LINGO2: variants seen among roughly 807,000 people sequenced by gnomAD.
LINGO2 encodes the protein leucine-rich repeat and immunoglobulin-like domain-containing nogo receptor-interacting protein 2.
Under a neutral mutation model 30.6 loss-of-function variants are expected in LINGO2, and 14 were observed. The observed-to-expected ratio is 0.46, with a 90% CI of 0.30 to 0.72. The LOEUF is 0.72. Among genes scored for constraint, LINGO2 ranks in the 30% least tolerant of loss-of-function variants. LINGO2 has a pLI of 0.07. For synonymous variants in LINGO2, 317 were observed against 288.5 expected (o/e 1.10, Z -1.00); for missense variants, 729 against 751.7 (o/e 0.97, Z 0.35).
At chr9:28,343,702 A>G (rs1819453379) in intron 3 of LINGO2, among the ~76,000 whole-genome samples, 1 of 152,156 alleles carries the variant, frequency 6.6e-6, no homozygotes, top group Admixed American at 6.5e-5. Flanking sequence ...GACCTTAGAC[A>G]AGAAAGTGCA....
chr9:28,282,938 G>T (rs1823380034), intron 4 of LINGO2, among the ~76,000 whole-genome samples: 1 of 152,120 alleles, frequency 6.6e-6, no homozygotes, highest in African/African-American at 2.4e-5. Flanking sequence ...ATTCAAGAAA[G>T]GAGTAAGCCC....
At chr9:28,022,587 CCCTTT>C (rs147391706) in intron 4 of LINGO2, among the ~76,000 whole-genome samples, 2,128 of 152,030 alleles carry the variant, frequency 0.014, 57 homozygotes, top group African/African-American at 0.049. Context: ...TGGACTTTTT[CCCTTT>C]CAACAGTTTA....
chr9:28,355,962 T>C (rs943335701), intron 3 of LINGO2, among the ~76,000 whole-genome samples: 1 of 152,196 alleles, frequency 6.6e-6, no homozygotes, highest in African/African-American at 2.4e-5. Flanking sequence ...TGAGAGATTA[T>C]GTGATTTCCA....
At chr9:29,208,043 T>C in the LINGO2 span, among the ~76,000 whole-genome samples, 2 of 152,068 alleles carry the variant, frequency 1.3e-5, no homozygotes, top group Non-Finnish European at 2.9e-5. Flanking sequence ...CCAGTGGTCC[T>C]GGGCAAATTC....
chr9:28,506,876 A>C (rs190470002), intron 1 of LINGO2, among the ~76,000 whole-genome samples: 1 of 152,094 alleles, frequency 6.6e-6, no homozygotes, highest in East Asian at 1.9e-4. Flanking sequence ...CAGATTGATT[A>C]AATCATCTTC....
chr9:28,424,248 G>T (rs757235764), intron 2 of LINGO2, among the ~76,000 whole-genome samples: 3 of 152,084 alleles, frequency 2.0e-5, no homozygotes, highest in Non-Finnish European at 4.4e-5. Flanking sequence ...CTCACTTTGT[G>T]TAGAAGAACA....
At chr9:28,524,402 T>G (rs1337989360) in intron 1 of LINGO2, among the ~76,000 whole-genome samples, 1 of 152,148 alleles carries the variant, frequency 6.6e-6, no homozygotes, top group Non-Finnish European at 1.5e-5. Context: ...ATAAAAGAGA[T>G]TAGACTTCAT....
the LINGO2 span, among the ~76,000 whole-genome samples, chr9:28,679,571 T>G: frequency 6.6e-6 from 1 of 152,066 alleles, no homozygotes; most frequent in Admixed American, 6.6e-5. Flanking sequence ...CTGTACATAT[T>G]TAATGTATAC....
intron 4 of LINGO2, among the ~76,000 whole-genome samples, chr9:28,039,265 T>G (rs531151437): frequency 5.3e-5 from 8 of 152,328 alleles, no homozygotes; most frequent in South Asian, 2.1e-4. Flanking sequence ...TTTAAGAAAT[T>G]GGGCTAATAA....
intron 5 of LINGO2, among the ~76,000 whole-genome samples, chr9:27,997,043 CAA>C (rs1821700184): frequency 6.6e-6 from 1 of 152,054 alleles, no homozygotes; most frequent in African/African-American, 2.4e-5. Context: ...TTTTAAACTC[CAA>C]AAGAGGAATT....
chr9:28,473,420 C>CACACAT (rs1194500285), intron 2 of LINGO2, among the ~76,000 whole-genome samples: 1 of 151,994 alleles, frequency 6.6e-6, no homozygotes, highest in African/African-American at 2.4e-5. Context: ...CTCACACACA[C>CACACAT]ACACATACAC....
chr9:27,965,349 C>G (rs1344663936), intron 5 of LINGO2, among the ~76,000 whole-genome samples: 5 of 151,252 alleles, frequency 3.3e-5, no homozygotes, highest in Non-Finnish European at 5.9e-5. Context: ...CACTGAAATA[C>G]CTCTCATTGC....
chr9:29,047,155 C>T, the LINGO2 span, among the ~76,000 whole-genome samples: 3 of 151,710 alleles, frequency 2.0e-5, no homozygotes, highest in Non-Finnish European at 4.4e-5. Context: ...ATCCCCTATG[C>T]ATCCAACAAA....
At chr9:27,988,076 C>A (rs1363212624) in intron 5 of LINGO2, among the ~76,000 whole-genome samples, 3 of 152,010 alleles carry the variant, frequency 2.0e-5, no homozygotes, top group Non-Finnish European at 4.4e-5. Context: ...TAGTTTAATT[C>A]CCACCTATGA....
the LINGO2 span, among the ~76,000 whole-genome samples, chr9:29,032,600 G>C: frequency 2.0e-5 from 3 of 152,104 alleles, no homozygotes; most frequent in Non-Finnish European, 4.4e-5. Context: ...TCATCTCTTA[G>C]AATCATTCAA....
chr9:29,210,315 T>C, the LINGO2 span, among the ~76,000 whole-genome samples: 8 of 152,180 alleles, frequency 5.3e-5, no homozygotes, highest in Non-Finnish European at 8.8e-5. Flanking sequence ...CCCTTATACA[T>C]CATATACACA....
chr9:28,315,405 GAA>G (rs11285660), intron 3 of LINGO2, among the ~76,000 whole-genome samples: 15 of 141,460 alleles, frequency 1.1e-4, no homozygotes, highest in Middle Eastern at 3.9e-3. Context: ...CCGTCTCGGG[GAA>G]AAAAAAAAAA....
intron 1 of LINGO2, among the ~76,000 whole-genome samples, chr9:28,627,227 G>A (rs1033636693): frequency 3.9e-5 from 6 of 151,920 alleles, no homozygotes; most frequent in African/African-American, 1.2e-4. Flanking sequence ...ATTTATGAAG[G>A]TCTCTCTATT....
intron 4 of LINGO2, among the ~76,000 whole-genome samples, chr9:28,224,989 A>C (rs1263922612): frequency 6.6e-6 from 1 of 152,226 alleles, no homozygotes; most frequent in East Asian, 1.9e-4. Flanking sequence ...CTCATTTTTG[A>C]CAAAAGCACC....
Sources: gnomAD v4.1 joint callset for allele counts (sites outside exome capture counted in the v4.1 genomes callset) on GRCh38, gnomAD v4.1.1 for gene constraint, MANE v1.5 for transcripts, NCBI Gene and HGNC (gene_info 2026-07-23, HGNC 2026-07-21) for gene names.